ZNF827: variants seen among roughly 807,000 people sequenced by gnomAD.
ZNF827 encodes zinc finger protein 827.
In ZNF827, 13 loss-of-function variants were observed where a neutral mutation model predicts 102.4. The ratio of observed to expected loss-of-function variants is 0.13; its 90% confidence interval spans 0.08 to 0.20. The LOEUF is 0.20. Ranked by LOEUF, ZNF827 falls within the 10% of genes least tolerant of loss-of-function variation. The pLI is 1.00. For synonymous variants in ZNF827, 523 were observed against 536.2 expected, an observed-to-expected ratio of 0.98 and a Z score of 0.34; for missense variants, 1,103 against 1,344.4, an observed-to-expected ratio of 0.82 and a Z score of 2.81.
At chr4:145,872,216 C>A (rs1268162332) in intron 4 of ZNF827, among the ~76,000 whole-genome samples, 4 of 152,138 alleles carry the variant, frequency 2.6e-5, no homozygotes, top group East Asian at 1.9e-4. Flanking sequence ...GTGGAATATA[C>A]CTGGAGGTAG....
At position 145,870,429 on chromosome 4, in the gene ZNF827, C is replaced by T. The variant is rs1453849235; in HGVS notation, c.1797G>A (p.Glu599=). 2.0e-5 allele frequency: 33 copies of T among 1,614,116 alleles called. No homozygotes were observed. In the East Asian group the frequency reaches 6.5e-4, roughly 32 times the overall value. ...TGCTTAGGGACTCCCCTTCCTTAGG[C>T]TCCTCTTTCACTTTAAAATTAAGAT... ...PMNLNFKVKE[E]PKEGESLSTT... is the part of the protein sequence containing the mutation. The change falls in exon 5 of 15, where the codon GAG becomes GAA. Residue 599 remains glutamate, a synonymous_variant. Transcript: ENST00000508784.
chr4:145,936,311 C>T (rs1256533613), intron 1 of ZNF827, among the ~76,000 whole-genome samples: 2 of 151,936 alleles, frequency 1.3e-5, no homozygotes, highest in Non-Finnish European at 2.9e-5. Context: ...ACTCCACCGC[C>T]TTCTCCTTCC....
At chr4:145,923,020 T>C (rs1382659447) in intron 1 of ZNF827, among the ~76,000 whole-genome samples, 2 of 152,180 alleles carry the variant, frequency 1.3e-5, no homozygotes, top group Non-Finnish European at 2.9e-5. Context: ...TGTGTCAACA[T>C]TTGGTAGATC....
intron 1 of ZNF827, among the ~76,000 whole-genome samples, chr4:145,922,897 G>A (rs1004506402): frequency 1.3e-5 from 2 of 152,136 alleles, no homozygotes; most frequent in Non-Finnish European, 2.9e-5. Flanking sequence ...TTAAAATTTT[G>A]GAAAACATGT....
intron 11 of ZNF827, among the ~76,000 whole-genome samples, chr4:145,768,374 A>G (rs539565755): frequency 6.6e-6 from 1 of 152,264 alleles, no homozygotes; most frequent in Non-Finnish European, 1.5e-5. Flanking sequence ...CATGTTGGCC[A>G]GGCTGGTCTT....
chr4:145,848,474 T>C (rs566224371), intron 6 of ZNF827, among the ~76,000 whole-genome samples: 27 of 152,354 alleles, frequency 1.8e-4, no homozygotes, highest in African/African-American at 6.5e-4. Flanking sequence ...GTGTTATCCA[T>C]AACAAAACAG....
intron 11 of ZNF827, among the ~76,000 whole-genome samples, chr4:145,772,935 C>T (rs182800372): frequency 1.2e-4 from 19 of 152,262 alleles, no homozygotes; most frequent in Non-Finnish European, 2.2e-4. Flanking sequence ...TTTCCACTCA[C>T]GACAATTAAA....
At position 145,902,812 on chromosome 4, in the gene ZNF827, G is replaced by A. The variant is rs377165439; in HGVS notation, c.447C>T (p.Asn149=). 4.9e-5 allele frequency: 79 copies of A among 1,614,042 alleles called. No individual in the cohort carries two copies. In the Middle Eastern group the frequency reaches 6.6e-4, roughly 13 times the overall value. ...GGGAAAAGGAGAGGTTCGAGCCAAC[G>A]TTTACGGGGGACTCCACTCTGCCAT... The part of the protein sequence containing the change: ...TANGRVESPV[N]VGSNLSFSPP... Residue 149 remains asparagine (N), a synonymous_variant, in exon 2 of 15, where the codon AAC becomes AAT. Transcript: ENST00000508784. The surrounding 1 kb of genome is among the most constrained non-coding windows in gnomAD (Gnocchi z 4.3).
intron 3 of ZNF827, among the ~76,000 whole-genome samples, chr4:145,891,385 C>A (rs1297151891): frequency 6.6e-6 from 1 of 152,226 alleles, no homozygotes; most frequent in Non-Finnish European, 1.5e-5. Flanking sequence ...CTATCAAATT[C>A]AAAAGCCCAT....
At chr4:145,905,925 T>C (rs1751828788) in intron 1 of ZNF827, among the ~76,000 whole-genome samples, 2 of 152,332 alleles carry the variant, frequency 1.3e-5, no homozygotes, top group South Asian at 2.1e-4. Flanking sequence ...TTTTAGGTCA[T>C]ATGTGTGTCA....
intron 8 of ZNF827, among the ~76,000 whole-genome samples, chr4:145,802,252 G>C (rs772080104): frequency 6.6e-6 from 1 of 152,164 alleles, no homozygotes; most frequent in African/African-American, 2.4e-5. Context: ...TCTTCAATGA[G>C]ATTCACTCAA....
chr4:145,845,407 T>C (rs1745835253), intron 7 of ZNF827, among the ~76,000 whole-genome samples: 1 of 152,234 alleles, frequency 6.6e-6, no homozygotes, highest in Non-Finnish European at 1.5e-5. Flanking sequence ...TGGTGAATGA[T>C]ATAAATTTCC....
At position 145,761,126 on chromosome 4, in the gene ZNF827, C is replaced by A. The variant is rs1282472836; in HGVS notation, c.*490G>T. 1.6e-6 allele frequency: 2 copies of A among 1,289,492 alleles called. No homozygotes were observed. The highest frequency in any genetic ancestry group is 2.3e-5 in the Admixed American group (1 of 43,570). 79.9% of individuals were successfully genotyped at this position (1,289,492 alleles called of 1,614,324 possible). A position where few individuals can be genotyped will look rare whatever the true frequency, so the allele number is the denominator to read the frequency against. Reference sequence around the variant, plus strand: ...GAGCTCCCGACCACCAGGAGCGGGGCCCCCGGGCCGGCCGGTTCCTTGGGG... The same window carrying A: ...GAGCTCCCGACCACCAGGAGCGGGGACCCCGGGCCGGCCGGTTCCTTGGGG... On this transcript the variant is annotated 3_prime_UTR_variant, in exon 15 of 15. Coordinates refer to ENST00000508784, the MANE Select transcript of ZNF827 (RefSeq NM_001306215.2). The surrounding 1 kb of genome is among the most constrained non-coding windows in gnomAD (Gnocchi z 6.8).
intron 3 of ZNF827, among the ~76,000 whole-genome samples, chr4:145,890,090 A>T (rs1750477927): frequency 6.6e-6 from 1 of 152,192 alleles, no homozygotes; most frequent in Admixed American, 6.5e-5. Flanking sequence ...GGTAGACTAG[A>T]TTTGCAAAAT....
chr4:145,887,710 G>A (rs1750237128), intron 3 of ZNF827, among the ~76,000 whole-genome samples: 1 of 152,166 alleles, frequency 6.6e-6, no homozygotes, highest in African/African-American at 2.4e-5. Flanking sequence ...ACTAGGAGCT[G>A]ACCATTTCAT....
intron 2 of ZNF827, among the ~76,000 whole-genome samples, chr4:145,901,425 C>T (rs530429538): frequency 1.3e-5 from 2 of 152,298 alleles, no homozygotes; most frequent in South Asian, 4.1e-4. Context: ...TGCTAAGGTC[C>T]TATATGACAG....
intron 1 of ZNF827, among the ~76,000 whole-genome samples, chr4:145,921,030 G>A (rs910680685): frequency 6.6e-6 from 1 of 152,218 alleles, no homozygotes; most frequent in Non-Finnish European, 1.5e-5. Flanking sequence ...TGGGAACCAG[G>A]GGAGGAGACG....
intron 6 of ZNF827, 30 bp downstream of exon 6, chr4:145,849,292 T>C: frequency 6.3e-7 from 1 of 1,595,962 alleles, no homozygotes; most frequent in Non-Finnish European, 8.6e-7. Context: ...TGATTTCCAA[T>C]AATTGACATT....
intron 5 of ZNF827, among the ~76,000 whole-genome samples, chr4:145,861,754 C>A (rs1293726093): frequency 6.6e-6 from 1 of 152,166 alleles, no homozygotes; most frequent in Non-Finnish European, 1.5e-5. Flanking sequence ...CCTCCCTGCC[C>A]TAGTCCTGAA....
Sources: allele counts gnomAD v4.1 joint callset (sites outside exome capture counted in the v4.1 genomes callset), GRCh38; gene constraint gnomAD v4.1.1; non-coding constraint Gnocchi (gnomAD v3.1); transcripts MANE v1.5; gene names NCBI Gene and HGNC (gene_info 2026-07-23, HGNC 2026-07-21).